Variants in TBC1D19 observed in about 807,000 individuals in gnomAD.
TBC1D19 encodes the protein TBC1 domain family member 19.
Under a neutral mutation model 89.0 loss-of-function variants are expected in TBC1D19, and 60 were observed. The observed-to-expected ratio is 0.67, with a 90% CI of 0.55 to 0.84. The LOEUF (loss-of-function observed/expected upper bound fraction) is 0.84. TBC1D19 is among the 40% of genes least tolerant of loss of function. The pLI is 0.00. For missense variants in TBC1D19, 500 were observed against 610.8 expected (o/e 0.82, Z 1.91); for synonymous variants, 189 against 199.7 (o/e 0.95, Z 0.45).
intron 1 of TBC1D19, among the ~76,000 whole-genome samples, chr4:26,594,137 A>G (rs1190446900): frequency 2.0e-5 from 3 of 152,238 alleles, no homozygotes; most frequent in Non-Finnish European, 2.9e-5. Flanking sequence ...TGGCACATAT[A>G]CACCATGGAA....
At chr4:26,723,837 A>G (rs1717131857) in intron 15 of TBC1D19, among the ~76,000 whole-genome samples, 1 of 152,218 alleles carries the variant, frequency 6.6e-6, no homozygotes, top group African/African-American at 2.4e-5. Context: ...CAAGGAGCTT[A>G]CCTTCTAGTA....
At chr4:26,721,646 G>A (rs1206363514) in intron 15 of TBC1D19, among the ~76,000 whole-genome samples, 1 of 152,044 alleles carries the variant, frequency 6.6e-6, no homozygotes, top group East Asian at 1.9e-4. Context: ...TGTTCTTAAT[G>A]GCTTCCCATC....
At chr4:26,743,303 A>G (rs75365966) in intron 18 of TBC1D19, among the ~76,000 whole-genome samples, 1,893 of 152,260 alleles carry the variant, frequency 0.012, 35 homozygotes, top group African/African-American at 0.042. Context: ...TTGAGGCCAC[A>G]AAAGAAGTTA....
chr4:26,847,520 C>G, the TBC1D19 span, among the ~76,000 whole-genome samples: 8 of 152,166 alleles, frequency 5.3e-5, no homozygotes, highest in African/African-American at 1.9e-4. Flanking sequence ...GTTCTAGGAC[C>G]GGTGATGAGA....
chr4:26,665,054 G>T (rs1287072334), intron 8 of TBC1D19, among the ~76,000 whole-genome samples: 1 of 152,064 alleles, frequency 6.6e-6, no homozygotes, highest in African/African-American at 2.4e-5. Flanking sequence ...GCTGAACTGG[G>T]GCATAGTAGG....
intron 18 of TBC1D19, among the ~76,000 whole-genome samples, chr4:26,746,661 A>C (rs1718667328): frequency 6.6e-6 from 1 of 152,182 alleles, no homozygotes; most frequent in African/African-American, 2.4e-5. Flanking sequence ...GGGTGCCTGA[A>C]ACTGTGGATA....
intron 20 of TBC1D19, 104 bp downstream of exon 20, chr4:26,753,994 GT>G (rs1291062963): frequency 2.4e-6 from 3 of 1,230,298 alleles, no homozygotes; most frequent in Non-Finnish European, 3.5e-6. Context: ...TTGTAGCCAG[GT>G]TTTTTAACTC....
At chr4:26,681,926 G>T (rs1279189342) in intron 11 of TBC1D19, among the ~76,000 whole-genome samples, 1 of 151,988 alleles carries the variant, frequency 6.6e-6, no homozygotes, top group African/African-American at 2.4e-5. Flanking sequence ...CATGGAGATA[G>T]GTATAAGCAT....
chr4:26,808,727 CAA>C, the TBC1D19 span, among the ~76,000 whole-genome samples: 7 of 95,074 alleles, frequency 7.4e-5, no homozygotes, highest in Non-Finnish European at 5.9e-5. Context: ...GACTCTGTCT[CAA>C]AAAAAAAAAA....
upstream of TBC1D19, among the ~76,000 whole-genome samples, chr4:26,583,254 TAA>T (rs2079784613): frequency 6.6e-6 from 1 of 152,216 alleles, no homozygotes. Flanking sequence ...TTCAATAATT[TAA>T]GTCAGTTACT....
At chr4:26,700,904 C>T (rs115634775) in intron 13 of TBC1D19, among the ~76,000 whole-genome samples, 5,806 of 152,226 alleles carry the variant, frequency 0.038, 145 homozygotes, top group Non-Finnish European at 0.059. Context: ...TTTAAAAACA[C>T]TAATCAATTC....
chr4:26,601,734 G>C (rs1169868590), intron 1 of TBC1D19, among the ~76,000 whole-genome samples: 1 of 152,156 alleles, frequency 6.6e-6, no homozygotes, highest in Non-Finnish European at 1.5e-5. Context: ...CAGATGAGCA[G>C]GTTAGATAGG....
At chr4:26,602,506 A>C (rs1478731854) in intron 1 of TBC1D19, among the ~76,000 whole-genome samples, 1 of 133,798 alleles carries the variant, frequency 7.5e-6, no homozygotes, top group East Asian at 2.2e-4. Flanking sequence ...CAGTGGCACG[A>C]TCTCAGCTCA....
the TBC1D19 span, among the ~76,000 whole-genome samples, chr4:26,780,622 T>G: frequency 2.0e-5 from 3 of 152,202 alleles, no homozygotes; most frequent in Non-Finnish European, 4.4e-5. Context: ...CTACCCACAG[T>G]GCAATCTGTT....
At chr4:26,773,533 C>T in the TBC1D19 span, among the ~76,000 whole-genome samples, 488 of 152,260 alleles carry the variant, frequency 3.2e-3, 3 homozygotes, top group African/African-American at 0.011. Context: ...GTCATGAAAT[C>T]TTTGCCCATG....
At chr4:26,587,043 A>G (rs1048698308) in intron 1 of TBC1D19, among the ~76,000 whole-genome samples, 5 of 152,004 alleles carry the variant, frequency 3.3e-5, no homozygotes, top group African/African-American at 1.2e-4. Context: ...GTTTTCTGAG[A>G]GTTTTATCAT....
At chr4:26,616,037 T>C (rs530881502) in intron 3 of TBC1D19, among the ~76,000 whole-genome samples, 1 of 152,272 alleles carries the variant, frequency 6.6e-6, no homozygotes, top group South Asian at 2.1e-4. Context: ...AGTATATATT[T>C]TCTGAATAAC....
In TBC1D19 at chr4:26,667,062, G is replaced by A. The variant is rs75509150; in HGVS notation, c.664+657G>A. The stretch of plus-strand genomic sequence containing the variant: ...GTTTCTTCCTCTATAAAATAAATAA[G>A]TTGGCTCTTACCACTATTATAATAG... On this transcript the variant is annotated intron_variant, in intron 9 of 20. Coordinates refer to ENST00000264866, the MANE Select transcript of TBC1D19 (RefSeq NM_018317.4). Among the ~76,000 whole-genome samples, 308 of 151,614 alleles carry A rather than the reference G, an allele frequency of 2.0e-3. 9 individuals are homozygous for A. The East Asian group carries it at 0.051, about 25-fold the overall frequency.
At chr4:26,637,407 C>A (rs1743201573) in intron 5 of TBC1D19, 122 bp downstream of exon 5, 1 of 793,204 alleles carries the variant, frequency 1.3e-6, no homozygotes, top group Admixed American at 3.2e-5. Flanking sequence ...GAGTCTTGCT[C>A]TGTCACCCAG....
Sources: allele counts gnomAD v4.1 joint callset (sites outside exome capture counted in the v4.1 genomes callset), GRCh38; gene constraint gnomAD v4.1.1; transcripts MANE v1.5; gene names NCBI Gene and HGNC (gene_info 2026-07-23, HGNC 2026-07-21).